The following SLC25A13 variants were observed in gnomAD, a reference collection of about 807,000 sequenced individuals.
SLC25A13 encodes electrogenic aspartate/glutamate antiporter SLC25A13, mitochondrial.
Under a neutral mutation model 85.5 loss-of-function variants are expected in SLC25A13, and 70 were observed. The observed-to-expected ratio is 0.82, with a 90% confidence interval of 0.68 to 1.00. The LOEUF is 1.00. SLC25A13 is among the 50% of genes least tolerant of loss of function. The probability of loss-of-function intolerance (pLI) is 0.00; values close to 1 mark genes in which losing one functional copy is unlikely to be tolerated. For missense variants in SLC25A13, 765 were observed against 819.8 expected (o/e 0.93, Z 0.82); for synonymous variants, 259 against 288.7 (o/e 0.90, Z 1.04).
chr7:96,154,726 C>T (rs560788588), intron 13 of SLC25A13, among the ~76,000 whole-genome samples: 2 of 151,892 alleles, frequency 1.3e-5, no homozygotes, highest in East Asian at 1.9e-4. Context: ...ATGAGTAATG[C>T]GATGGTTTAC....
intron 1 of SLC25A13, among the ~76,000 whole-genome samples, chr7:96,301,030 T>A (rs1282439560): frequency 6.6e-6 from 1 of 152,200 alleles, no homozygotes; most frequent in Non-Finnish European, 1.5e-5. Flanking sequence ...ATGTACCAGT[T>A]TTTTAAAGGT....
intron 14 of SLC25A13, among the ~76,000 whole-genome samples, chr7:96,141,019 CTTTT>C (rs11433644): frequency 1.6e-5 from 2 of 124,704 alleles, no homozygotes; most frequent in African/African-American, 3.0e-5. Context: ...TTTTTTCTTT[CTTTT>C]TTTTTTTTTT....
intron 3 of SLC25A13, among the ~76,000 whole-genome samples, chr7:96,258,169 T>C (rs1409405749): frequency 6.6e-6 from 1 of 152,148 alleles, no homozygotes; most frequent in Non-Finnish European, 1.5e-5. Flanking sequence ...AAGACAAGGA[T>C]GCCCTCTCTC....
chr7:96,280,769 C>T (rs1003866786), intron 2 of SLC25A13, among the ~76,000 whole-genome samples: 1 of 151,782 alleles, frequency 6.6e-6, no homozygotes, highest in African/African-American at 2.4e-5. Flanking sequence ...CCCAAGATAA[C>T]GAAAAAGAAT....
At chr7:96,198,176 G>A (rs757292203) in intron 5 of SLC25A13, among the ~76,000 whole-genome samples, 3 of 152,136 alleles carry the variant, frequency 2.0e-5, no homozygotes, top group African/African-American at 2.4e-5. Context: ...ACTGCCACCC[G>A]GGAGAGCTCA....
intron 13 of SLC25A13, among the ~76,000 whole-genome samples, chr7:96,153,595 T>TAA (rs1793134336): frequency 2.0e-5 from 3 of 152,140 alleles, no homozygotes; most frequent in African/African-American, 7.2e-5. Context: ...GGGTTCTCTA[T>TAA]TAAGAGTCAC....
intron 3 of SLC25A13, among the ~76,000 whole-genome samples, chr7:96,247,971 A>G (rs1562875647): frequency 6.6e-6 from 1 of 151,850 alleles, no homozygotes; most frequent in Non-Finnish European, 1.5e-5. Flanking sequence ...AAAAAAAAAA[A>G]AAAGAAAGAG....
intron 11 of SLC25A13, among the ~76,000 whole-genome samples, chr7:96,172,019 T>C (rs559408078): frequency 6.2e-5 from 8 of 130,024 alleles, no homozygotes; most frequent in Non-Finnish European, 1.3e-4. Context: ...GGTAGGAGCA[T>C]GTTGCACCCT....
intron 15 of SLC25A13, among the ~76,000 whole-genome samples, chr7:96,127,091 C>G (rs1203736275): frequency 6.6e-6 from 1 of 152,168 alleles, no homozygotes; most frequent in Non-Finnish European, 1.5e-5. Flanking sequence ...GTGAGACCAT[C>G]ATTACAGTTT....
chr7:96,128,770 A>G (rs1222767626), intron 15 of SLC25A13, among the ~76,000 whole-genome samples: 1 of 147,672 alleles, frequency 6.8e-6, no homozygotes, highest in Non-Finnish European at 1.5e-5. Context: ...TAATAATAAT[A>G]ATAATAATAA....
chr7:96,276,025 T>C (rs891517800), intron 3 of SLC25A13, among the ~76,000 whole-genome samples: 2 of 152,084 alleles, frequency 1.3e-5, no homozygotes, highest in African/African-American at 4.8e-5. Flanking sequence ...ACATGAAGAT[T>C]CCAATAAATA....
intron 1 of SLC25A13, among the ~76,000 whole-genome samples, chr7:96,298,309 T>C (rs759975429): frequency 2.6e-5 from 4 of 152,322 alleles, no homozygotes; most frequent in Admixed American, 6.5e-5. Context: ...AACTAATCAC[T>C]AGAATGGGAG....
chr7:96,244,224 G>A (rs1797098010), intron 3 of SLC25A13, among the ~76,000 whole-genome samples: 1 of 152,148 alleles, frequency 6.6e-6, no homozygotes, highest in Admixed American at 6.5e-5. Flanking sequence ...AGGCCCAGTG[G>A]CCAGGGGCTA....
intron 2 of SLC25A13, among the ~76,000 whole-genome samples, chr7:96,285,416 G>C (rs1302469103): frequency 6.6e-6 from 1 of 152,132 alleles, no homozygotes. Context: ...CATACTTTGA[G>C]CCAGAGTTGT....
intron 3 of SLC25A13, among the ~76,000 whole-genome samples, chr7:96,253,792 C>T (rs1797523699): frequency 6.6e-6 from 1 of 152,028 alleles, no homozygotes; most frequent in South Asian, 2.1e-4. Context: ...GACAACAGCC[C>T]TAAAATGGTT....
chr7:96,189,153 A>T, intron 9 of SLC25A13, 141 bp downstream of exon 9: 1 of 756,442 alleles, frequency 1.3e-6, no homozygotes, highest in Non-Finnish European at 2.3e-6. Flanking sequence ...TACAGCCTTT[A>T]AAATTTATCG....
At chr7:96,215,262 A>G (rs533753880) in intron 4 of SLC25A13, among the ~76,000 whole-genome samples, 1 of 152,178 alleles carries the variant, frequency 6.6e-6, no homozygotes, top group Non-Finnish European at 1.5e-5. Flanking sequence ...ACACCCAGCT[A>G]ATTTTTGTAT....
intron 2 of SLC25A13, among the ~76,000 whole-genome samples, chr7:96,292,416 G>T (rs564462200): frequency 3.3e-5 from 5 of 152,202 alleles, no homozygotes; most frequent in Non-Finnish European, 5.9e-5. Flanking sequence ...CATAGTGTTG[G>T]AAGTCCTGGC....
At position 96,122,006 on chromosome 7, in the gene SLC25A13, G is replaced by A. The variant is rs2116384900; in HGVS notation, c.1592-9C>T. 3.1e-6 allele frequency: 5 copies of A among 1,614,118 alleles called. No individual in the cohort carries two copies. The highest frequency in any genetic ancestry group is 4.2e-6 in the Non-Finnish European group (5 of 1,179,990). The stretch of plus-strand genomic sequence containing the variant: ...AGATGCTGCAGGCATACCTGCAGGA[G>A]AGACACAACACCATCTCAGTCTGGT... On this transcript the variant is annotated splice_polypyrimidine_tract_variant and intron_variant, in intron 15 of 17. Coordinates refer to ENST00000265631, the MANE Select transcript of SLC25A13 (RefSeq NM_014251.3).
Sources: gnomAD v4.1 joint callset for allele counts (sites outside exome capture counted in the v4.1 genomes callset) on GRCh38, gnomAD v4.1.1 for gene constraint, MANE v1.5 for transcripts, NCBI Gene and HGNC (gene_info 2026-07-23, HGNC 2026-07-21) for gene names.